SLC39A11: variants seen among roughly 807,000 people sequenced by gnomAD.
SLC39A11 encodes solute carrier family 39 member 11.
A neutral mutation model predicts 36.1 loss-of-function variants in SLC39A11; 33 were observed. The observed-to-expected ratio is 0.91, with a 90% CI of 0.69 to 1.22. SLC39A11 has a LOEUF of 1.22. SLC39A11 is among the 50% of genes most tolerant of loss of function. The pLI is 0.00. For synonymous variants in SLC39A11, 166 were observed against 170.3 expected, an observed-to-expected ratio of 0.97 and a Z score of 0.20; for missense variants, 432 against 430.3, an observed-to-expected ratio of 1.00 and a Z score of -0.03.
intron 6 of SLC39A11, among the ~76,000 whole-genome samples, chr17:72,845,897 T>C (rs1458779801): frequency 6.6e-6 from 1 of 152,182 alleles, no homozygotes; most frequent in Non-Finnish European, 1.5e-5. Context: ...TCAATCCTCA[T>C]TTCAATTTAT....
Position 72,799,051 on chromosome 17 carries a change from G to A in SLC39A11, c.601+50583C>T, listed in dbSNP as rs151148191. Among the ~76,000 whole-genome samples the A allele has an allele frequency of 1.8e-3, 269 of 151,392 alleles. 6 individuals carry two copies. Among genetic ancestry groups the A allele is most frequent in the Middle Eastern group, 6.8e-3 (2 of 294 alleles). ...AAGGTTTTGACTTGTGCACTTGGAC[G>A]TGAGTGTGTGTGTCTGTGAGTGTGC... On this transcript the variant is annotated intron_variant, in intron 6 of 9. Transcript: ENST00000255559.
At chr17:72,848,334 T>C (rs2079143584) in intron 6 of SLC39A11, among the ~76,000 whole-genome samples, 1 of 152,240 alleles carries the variant, frequency 6.6e-6, no homozygotes, top group South Asian at 2.1e-4. Context: ...TTTCCTATGC[T>C]TAATCATGTT....
chr17:72,885,888 T>C (rs1025015694), intron 5 of SLC39A11, among the ~76,000 whole-genome samples: 1 of 152,222 alleles, frequency 6.6e-6, no homozygotes, highest in Non-Finnish European at 1.5e-5. Context: ...CCTACTGCCA[T>C]GATGCATCTC....
At chr17:72,909,815 G>C (rs180809031) in intron 5 of SLC39A11, among the ~76,000 whole-genome samples, 1,624 of 148,358 alleles carry the variant, frequency 0.011, 31 homozygotes, top group African/African-American at 0.038. Context: ...GCGTGATCTC[G>C]GCTCACTGCA....
rs1485863008 is a variant in SLC39A11, at chr17:72,658,042, G to A, written c.672-8774C>T. 2.0e-5 allele frequency among the ~76,000 whole-genome samples: 3 copies of A among 152,342 alleles called. No homozygotes were observed. The East Asian group carries it at 5.8e-4, about 29-fold the overall frequency. ...GGATGGCCTCCCTGTAGGGACAGCA[G>A]CAGACACTTTGCTTTCTTGGGTAGG... On this transcript the variant is annotated intron_variant, in intron 7 of 9. Transcript: ENST00000255559.
At chr17:73,052,886 A>G (rs1319930908) in intron 3 of SLC39A11, among the ~76,000 whole-genome samples, 1 of 152,104 alleles carries the variant, frequency 6.6e-6, no homozygotes, top group Admixed American at 6.6e-5. Flanking sequence ...TTTTTAGTAG[A>G]GACAAGGTTT....
chr17:72,878,189 T>C (rs2081018858), intron 5 of SLC39A11, among the ~76,000 whole-genome samples: 2 of 152,254 alleles, frequency 1.3e-5, no homozygotes, highest in African/African-American at 2.4e-5. Flanking sequence ...ATGGTGTATA[T>C]GTGCCACATT....
chr17:72,990,146 C>T (rs1439609559), intron 4 of SLC39A11, among the ~76,000 whole-genome samples: 1 of 152,190 alleles, frequency 6.6e-6, no homozygotes, highest in Admixed American at 6.5e-5. Flanking sequence ...ATGCACTACC[C>T]TTAGGTCCTG....
chr17:72,688,136 A>T (rs574486726), intron 7 of SLC39A11, among the ~76,000 whole-genome samples: 1 of 152,326 alleles, frequency 6.6e-6, no homozygotes, highest in Non-Finnish European at 1.5e-5. Context: ...GTGTGCTTTG[A>T]TGCCACAGAG....
intron 7 of SLC39A11, among the ~76,000 whole-genome samples, chr17:72,661,480 C>T (rs953928809): frequency 6.6e-6 from 1 of 152,198 alleles, no homozygotes; most frequent in African/African-American, 2.4e-5. Context: ...CTGCTTCACC[C>T]CGGCTTTCAG....
chr17:72,967,397 A>AGTGTGTGT (rs1372219975), intron 4 of SLC39A11, among the ~76,000 whole-genome samples: 92 of 140,894 alleles, frequency 6.5e-4, no homozygotes, highest in African/African-American at 2.4e-3. Flanking sequence ...AGAGAGAGAG[A>AGTGTGTGT]GAGTGTGTGT....
chr17:72,920,693 A>ACCCCTAC (rs548285558), intron 5 of SLC39A11, among the ~76,000 whole-genome samples: 1 of 121,280 alleles, frequency 8.2e-6, no homozygotes, highest in Non-Finnish European at 1.6e-5. Flanking sequence ...CCCCCTTACA[A>ACCCCTAC]CACCTACACC....
chr17:72,841,484 G>A (rs1567803722), intron 6 of SLC39A11, among the ~76,000 whole-genome samples: 1 of 152,132 alleles, frequency 6.6e-6, no homozygotes, highest in Non-Finnish European at 1.5e-5. Flanking sequence ...TTATTTGTGG[G>A]AGCTAAAAAT....
chr17:72,750,935 A>C (rs1330965292), intron 6 of SLC39A11, among the ~76,000 whole-genome samples: 2 of 152,212 alleles, frequency 1.3e-5, no homozygotes, highest in Non-Finnish European at 2.9e-5. Context: ...AGAAGCTGGC[A>C]TTATGGCTTA....
At chr17:72,831,582 C>T (rs1219920396) in intron 6 of SLC39A11, among the ~76,000 whole-genome samples, 1 of 152,240 alleles carries the variant, frequency 6.6e-6, no homozygotes, top group African/African-American at 2.4e-5. Context: ...TAGATTCTGA[C>T]TCCCAATGCT....
intron 4 of SLC39A11, among the ~76,000 whole-genome samples, chr17:72,948,460 G>A (rs866642154): frequency 2.0e-5 from 3 of 152,260 alleles, no homozygotes; most frequent in Middle Eastern, 3.4e-3. Flanking sequence ...ATCAAAAGAA[G>A]TCCATATGGC....
chr17:72,689,199 G>A lies in SLC39A11; in HGVS notation c.672-39931C>T, dbSNP rs143817998. Among the ~76,000 whole-genome samples, 653 of 152,344 alleles carry A rather than the reference G, an allele frequency of 4.3e-3. 4 individuals carry two copies. The highest frequency in any genetic ancestry group is 0.014 in the African/African-American group (568 of 41,586). Reference sequence around the variant, plus strand: ...ACTGTACTCAGTTTCATGCTAGAGCGTTAATAAGTGGTTCTAAATGCAGTC... The same window carrying A: ...ACTGTACTCAGTTTCATGCTAGAGCATTAATAAGTGGTTCTAAATGCAGTC... On this transcript the variant is annotated intron_variant, in intron 7 of 9. Transcript: ENST00000255559.
intron 9 of SLC39A11, 33 bp downstream of exon 9, chr17:72,648,770 A>T (rs760918064): frequency 6.2e-7 from 1 of 1,613,340 alleles, no homozygotes; most frequent in Admixed American, 1.7e-5. Context: ...TGGGACTGGG[A>T]CAGGGACAGA....
Position 72,736,532 on chromosome 17 carries a change from G to T in SLC39A11, c.671+118C>A. ...CCCCATGTGGCCTCCATCAGTCTTG[G>T]TCCTGTGGGGCTGGGGTGCTGAACA... On this transcript the variant is annotated intron_variant, in intron 7 of 9. Transcript: ENST00000255559. The T allele has an allele frequency of 9.4e-6, 8 of 847,788 alleles. No individual in the cohort carries two copies. The South Asian group carries it at 1.1e-4, about 12-fold the overall frequency. 52.5% of individuals were successfully genotyped at this position (847,788 alleles called of 1,614,324 possible). A position where few individuals can be genotyped will look rare whatever the true frequency, so the allele number is the denominator to read the frequency against.
Sources: gnomAD v4.1 joint callset for allele counts (sites outside exome capture counted in the v4.1 genomes callset) on GRCh38, gnomAD v4.1.1 for gene constraint, MANE v1.5 for transcripts, NCBI Gene and HGNC (gene_info 2026-07-23, HGNC 2026-07-21) for gene names.